ACOX1: variants seen among roughly 807,000 people sequenced by gnomAD.
The protein encoded by ACOX1 is peroxisomal acyl-coenzyme A oxidase 1.
In ACOX1, 41 loss-of-function variants were observed where a neutral mutation model predicts 75.5. The ratio of observed to expected loss-of-function variants is 0.54; its 90% CI spans 0.42 to 0.70. The LOEUF (loss-of-function observed/expected upper bound fraction) is 0.70, where lower values mean the gene tolerates loss of function less well. Ranked by LOEUF, ACOX1 falls within the 30% of genes least tolerant of loss-of-function variation. The probability of loss-of-function intolerance (pLI) is 0.00; values close to 1 mark genes in which losing one functional copy is unlikely to be tolerated. For missense variants in ACOX1, 630 were observed against 837.5 expected (o/e 0.75, Z 3.06); for synonymous variants, 303 against 298.8 (o/e 1.01, Z -0.15).
Position 75,949,689 on chromosome 17 carries a change from C to T in ACOX1, c.1478+29G>A, listed in dbSNP as rs542364930. 27 of 1,614,090 alleles carry T rather than the reference C, an allele frequency of 1.7e-5. No individual in the cohort carries two copies. In the African/African-American group the frequency reaches 2.7e-4, roughly 16 times the overall value. On this transcript the variant is annotated intron_variant, in intron 10 of 13. Coordinates refer to ENST00000293217, the MANE Select transcript of ACOX1 (RefSeq NM_004035.7). ...TGTCAGGGCCCCAGCCCCACTGCTG[C>T]GTATTCTAGCTCTTGAGGGAGAGCT... is the stretch of plus-strand genomic sequence containing the variant.
chr17:75,967,358 A>G (rs1828192019), intron 2 of ACOX1, among the ~76,000 whole-genome samples: 1 of 151,290 alleles, frequency 6.6e-6, no homozygotes, highest in Admixed American at 6.6e-5. Flanking sequence ...GATCCCAGCT[A>G]CTCGGGAGGC....
At chr17:75,963,352 C>T (rs988356184) in intron 2 of ACOX1, among the ~76,000 whole-genome samples, 1 of 152,070 alleles carries the variant, frequency 6.6e-6, no homozygotes, top group Admixed American at 6.6e-5. Flanking sequence ...CACCTTGTCA[C>T]CTCGTCCTGT....
rs960631343 is a variant in ACOX1, at chr17:75,948,146, T to C, written c.1935+105A>G. ...ATAAAGTGACTGTCAGAAGTGGCCA[T>C]GGTACTTTCAGAGCTTTCACAGATA... On this transcript the variant is annotated intron_variant, in intron 13 of 13. Transcript: ENST00000293217. The C allele has an allele frequency of 1.5e-5, 17 of 1,170,552 alleles. No individual in the cohort carries two copies. The Middle Eastern group carries it at 6.6e-4, about 45-fold the overall frequency. 72.5% of individuals were successfully genotyped at this position (1,170,552 alleles called of 1,614,324 possible).
chr17:75,975,070 A>AAAAAAAAG (rs1555619953), intron 2 of ACOX1, among the ~76,000 whole-genome samples: 4 of 145,126 alleles, frequency 2.8e-5, no homozygotes, highest in African/African-American at 7.7e-5. Flanking sequence ...AAAAAAAAAA[A>AAAAAAAAG]AAAGAAAGAA....
At chr17:75,974,999 G>C (rs1349635665) in intron 2 of ACOX1, among the ~76,000 whole-genome samples, 1 of 131,650 alleles carries the variant, frequency 7.6e-6, no homozygotes, top group African/African-American at 2.9e-5. Flanking sequence ...GTAGTGAGCC[G>C]AGATCGCACC....
In ACOX1 at chr17:75,943,548, A is replaced by T. The variant is rs2065693566; in HGVS notation, c.*3200T>A. 6.6e-6 allele frequency: 1 copy of T among 152,174 alleles called. No homozygotes were observed. The highest frequency in any genetic ancestry group is 2.4e-5 in the African/African-American group (1 of 41,422). 9.4% of individuals were successfully genotyped at this position (152,174 alleles called of 1,614,324 possible). A position where few individuals can be genotyped will look rare whatever the true frequency, so the allele number is the denominator to read the frequency against. ...GAGACCCTCATGGGGTGGAAAAAAA[A>T]GATCTAACATGTTAACTTTAGGAAC... is the stretch of plus-strand genomic sequence containing the variant. On this transcript the variant is annotated 3_prime_UTR_variant, in exon 14 of 14. Transcript: ENST00000293217.
chr17:75,978,971 C>T lies in ACOX1; in HGVS notation c.103G>A (p.Glu35Lys), dbSNP rs751071715. The part of the protein sequence containing the change: ...GSPEKTRRRR[E>K]IENMILNDPD... ...TCTCGCCCGCCGCCCTCACCGATCT[C>T]TCGGCGGCGCCGGGTTTTCTCGGGG... Residue 35 changes from glutamate to lysine, a missense_variant, in exon 1 of 14, where the codon GAG becomes AAG. Glu to Lys is a moderately conservative substitution (Grantham distance 56). This residue lies in a region of ACOX1 where 390 missense variants were observed against 574.9 expected (regional missense o/e 0.68). Coordinates refer to ENST00000293217, the MANE Select transcript of ACOX1 (RefSeq NM_004035.7). This position sits in a 1 kb window ranked among gnomAD's most constrained non-coding sequence, Gnocchi z 4.2. 1.2e-6 allele frequency: 2 copies of T among 1,610,256 alleles called. No individual in the cohort carries two copies. Among genetic ancestry groups the T allele is most frequent in the Admixed American group, 1.7e-5 (1 of 60,026 alleles).
chr17:75,963,653 G>A (rs1437949040), intron 2 of ACOX1, among the ~76,000 whole-genome samples: 2 of 151,326 alleles, frequency 1.3e-5, no homozygotes, highest in Non-Finnish European at 2.9e-5. Flanking sequence ...AACGGAGATC[G>A]TGCCACTGAA....
chr17:75,955,836 G>T lies in ACOX1; in HGVS notation c.650C>A (p.Pro217His). The part of the protein sequence containing the change: ...VPIREIGTHK[P>H]LPGITVGDIG... ...AGATGAACAGTTCTTACCTGGCAAA[G>T]GCTTATGGGTCCCGATTTCACGAAT... The change falls in exon 5 of 14, where the codon CCT becomes CAT. Residue 217 changes from proline (P) to histidine (H), a missense_variant. Physicochemically the swap from Pro to His is moderately conservative, Grantham distance 77. Around this residue, in one of 2 missense-constraint regions of ACOX1, gnomAD observed 390 missense variants for 574.9 expected, o/e 0.68. Coordinates refer to ENST00000293217, the MANE Select transcript of ACOX1 (RefSeq NM_004035.7). 1 of 1,614,134 alleles carries T rather than the reference G, an allele frequency of 6.2e-7. No homozygotes were observed. The highest frequency in any genetic ancestry group is 8.5e-7 in the Non-Finnish European group (1 of 1,180,028).
chr17:75,952,996 T>G (rs930891637), intron 7 of ACOX1, among the ~76,000 whole-genome samples: 2 of 151,894 alleles, frequency 1.3e-5, no homozygotes, highest in Non-Finnish European at 2.9e-5. Context: ...TCCTTAGGAG[T>G]AAAAAGAGTA....
chr17:75,951,004 G>A (rs2065769517), intron 8 of ACOX1, 40 bp from the exon 9 acceptor site: 1 of 1,599,290 alleles, frequency 6.3e-7, no homozygotes, highest in Non-Finnish European at 8.5e-7. Flanking sequence ...CATCTGTGGT[G>A]CTGAGAGCCC....
chr17:75,947,354 TCTC>T (rs2065731159), intron 13 of ACOX1, among the ~76,000 whole-genome samples: 1 of 151,392 alleles, frequency 6.6e-6, no homozygotes, highest in African/African-American at 2.4e-5. Context: ...CTCAAGCAAT[TCTC>T]CTGTCTCAGC....
intron 7 of ACOX1, among the ~76,000 whole-genome samples, chr17:75,951,797 T>C (rs1367084275): frequency 6.6e-6 from 1 of 151,248 alleles, no homozygotes; most frequent in Non-Finnish European, 1.5e-5. Context: ...GGTCTTAGAT[T>C]TAAATTGAGG....
chr17:75,974,077 A>C (rs1172490913), intron 2 of ACOX1, among the ~76,000 whole-genome samples: 1 of 151,198 alleles, frequency 6.6e-6, no homozygotes. Flanking sequence ...AACTTCTCTA[A>C]TTTTTGGAAG....
chr17:75,943,494 C>T lies in ACOX1; in HGVS notation c.*3254G>A, dbSNP rs1774370112. The T allele has an allele frequency of 6.6e-6, 1 of 152,358 alleles. No individual in the cohort carries two copies. Among genetic ancestry groups the T allele is most frequent in the Non-Finnish European group, 1.5e-5 (1 of 68,232 alleles). 9.4% of individuals were successfully genotyped at this position (152,358 alleles called of 1,614,324 possible). A position where few individuals can be genotyped will look rare whatever the true frequency, so the allele number is the denominator to read the frequency against. ...TGGTGGCCAAAGTGTGCTACAATCACACCACTGCATTCCAGCCTGGGTGAG... is the reference window on the plus strand; with the variant it reads ...TGGTGGCCAAAGTGTGCTACAATCATACCACTGCATTCCAGCCTGGGTGAG... On this transcript the variant is annotated 3_prime_UTR_variant, in exon 14 of 14. Transcript: ENST00000293217.
chr17:75,952,395 A>G (rs1043427280), intron 7 of ACOX1, among the ~76,000 whole-genome samples: 5 of 151,782 alleles, frequency 3.3e-5, no homozygotes, highest in Non-Finnish European at 7.4e-5. Flanking sequence ...CCTGGGTTCA[A>G]GTGATTCTCC....
chr17:75,964,479 T>A (rs1473318758), intron 2 of ACOX1, among the ~76,000 whole-genome samples: 1 of 152,152 alleles, frequency 6.6e-6, no homozygotes, highest in African/African-American at 2.4e-5. Context: ...AAGATTTACA[T>A]CTGAGTGTAC....
intron 3 of ACOX1, among the ~76,000 whole-genome samples, chr17:75,958,612 T>A (rs142505024): frequency 6.6e-6 from 1 of 151,348 alleles, no homozygotes; most frequent in East Asian, 1.9e-4. Context: ...ATCGAGACCA[T>A]CCTGGTTAAC....
rs2065816808 is a variant in ACOX1, at chr17:75,955,592, C to A, written c.748G>T (p.Glu250Ter). 6.2e-7 allele frequency: 1 copy of A among 1,614,012 alleles called. No individual in the cohort carries two copies. Among genetic ancestry groups the A allele is most frequent in the Admixed American group, 1.7e-5 (1 of 59,994 alleles). Residue 250 changes from glutamate to a stop codon, truncating the protein, a stop_gained, in exon 6 of 14, where the codon GAA (glutamate) becomes TAA (stop). Coordinates refer to ENST00000293217, the MANE Select transcript of ACOX1 (RefSeq NM_004035.7). LOFTEE classifies it high-confidence loss of function. ...LKMDNHRIPR[E>*]NMLMKYAQVK... The stretch of plus-strand genomic sequence containing the variant: ...TGGGCATACTTCATCAGCATGTTTT[C>A]TCTGGGAATACGATGGTTGTCCATT...
Sources: gnomAD v4.1 joint callset for allele counts (sites outside exome capture counted in the v4.1 genomes callset) on GRCh38, gnomAD v4.1.1 for gene constraint, gnomAD v4.1.1 regional missense constraint, Gnocchi (gnomAD v3.1) non-coding constraint, MANE v1.5 for transcripts, NCBI Gene and HGNC (gene_info 2026-07-23, HGNC 2026-07-21) for gene names.